KIR3DL3: variants seen among roughly 807,000 people sequenced by gnomAD.
KIR3DL3 encodes killer cell immunoglobulin-like receptor 3DL3.
KIR3DL3 carries 27 observed loss-of-function variants against 34.9 expected under a neutral mutation model. That is an observed-to-expected ratio of 0.77 (90% confidence interval 0.57 to 1.07). The LOEUF is 1.07. Among genes scored for constraint, KIR3DL3 ranks in the 50% least tolerant of loss-of-function variants. The probability of loss-of-function intolerance (pLI) is 0.00; values close to 1 mark genes in which losing one functional copy is unlikely to be tolerated. For missense variants in KIR3DL3, 681 were observed against 528.5 expected, an observed-to-expected ratio of 1.29 and a Z score of -2.83; for synonymous variants, 217 against 200.2, an observed-to-expected ratio of 1.08 and a Z score of -0.71.
intron 5 of KIR3DL3, among the ~76,000 whole-genome samples, chr19:54,732,253 G>GTTTTTTTTTT (rs1376667820): frequency 1.2e-3 from 105 of 90,936 alleles, no homozygotes; most frequent in African/African-American, 3.8e-3. Context: ...TGTGTTTTTT[G>GTTTTTTTTTT]TTTTCTTTTT....
chr19:54,735,721 C>G, intron 6 of KIR3DL3, 99 bp from the exon 7 acceptor site: 3 of 1,391,900 alleles, frequency 2.2e-6, no homozygotes, highest in Non-Finnish European at 3.0e-6. Flanking sequence ...TGAGGGACCT[C>G]AGGCACCTAT....
At chr19:54,734,936 A>G (rs10412714) in intron 5 of KIR3DL3, among the ~76,000 whole-genome samples, 29,891 of 116,162 alleles carry the variant, frequency 0.26, 4,257 homozygotes, top group African/African-American at 0.35. Context: ...GTCTCCTTGG[A>G]ACAGCATTGA....
intron 4 of KIR3DL3, among the ~76,000 whole-genome samples, chr19:54,728,163 G>C (rs2068409608): frequency 6.6e-6 from 1 of 151,042 alleles, no homozygotes; most frequent in South Asian, 2.1e-4. Flanking sequence ...AGAAGACACA[G>C]AGAGACAGAC....
At chr19:54,734,381 C>A (rs1186464940) in intron 5 of KIR3DL3, among the ~76,000 whole-genome samples, 11 of 150,412 alleles carry the variant, frequency 7.3e-5, no homozygotes, top group African/African-American at 2.0e-4. Context: ...CAGCGAGTGA[C>A]AACAGAAACC....
chr19:54,729,325 A>C (rs896220634), intron 4 of KIR3DL3, among the ~76,000 whole-genome samples, 168 bp from the exon 5 acceptor site: 17 of 152,050 alleles, frequency 1.1e-4, no homozygotes, highest in Non-Finnish European at 1.6e-4. Flanking sequence ...CTAGAGAGAC[A>C]GAGAAGGTGG....
chr19:54,729,696 C>G lies in KIR3DL3; in HGVS notation c.859C>G (p.His287Asp), dbSNP rs1600192519. The change falls in exon 5 of 8, where the codon CAC becomes GAC. Residue 287 changes from histidine (H) to aspartate (D), a missense_variant. Coordinates refer to ENST00000291860, the MANE Select transcript of KIR3DL3 (RefSeq NM_153443.5). ...QANFPLGPVTHGGNYRCFGSF... is the reference protein window; with the variant it reads ...QANFPLGPVTDGGNYRCFGSF... ...CAACTTCCCTCTGGGCCCTGTGACC[C>G]ACGGAGGGAACTACAGATGCTTCGG... 6.3e-7 allele frequency: 1 copy of G among 1,598,676 alleles called. No individual in the cohort carries two copies. The highest frequency in any genetic ancestry group is 2.3e-5 in the East Asian group (1 of 44,202).
chr19:54,728,042 T>C (rs1292383862), intron 4 of KIR3DL3, 132 bp downstream of exon 4: 1 of 897,460 alleles, frequency 1.1e-6, no homozygotes, highest in African/African-American at 1.7e-5. Context: ...TGGTGAGGTC[T>C]GTACCAACAA....
chr19:54,732,214 C>T (rs1791173217), intron 5 of KIR3DL3, among the ~76,000 whole-genome samples: 1 of 151,434 alleles, frequency 6.6e-6, no homozygotes, highest in South Asian at 2.1e-4. Flanking sequence ...AGCATCTGTG[C>T]ACCAAATCTG....
Position 54,736,563 on chromosome 19 carries a change from T to C in KIR3DL3, c.*467T>C, listed in dbSNP as rs2069666479. 1 of 166,084 alleles carries C rather than the reference T, an allele frequency of 6.0e-6. No individual in the cohort carries two copies. Among genetic ancestry groups the C allele is most frequent in the South Asian group, 1.8e-4 (1 of 5,476 alleles). The allele number at this position is 166,084 out of a possible 1,614,324, so 10.3% of individuals were successfully genotyped here. On this transcript the variant is annotated 3_prime_UTR_variant, in exon 8 of 8. Transcript: ENST00000291860. Reference sequence around the variant, plus strand: ...GTATCTTTCAGCCTTCTGTCAGCAGTAAAACTTATAAATTTTTTTTATAAT... The same window carrying C: ...GTATCTTTCAGCCTTCTGTCAGCAGCAAAACTTATAAATTTTTTTTATAAT...
chr19:54,734,599 G>T (rs200991257), intron 5 of KIR3DL3, among the ~76,000 whole-genome samples: 4,856 of 121,610 alleles, frequency 0.04, no homozygotes, highest in South Asian at 0.091. Context: ...GTTCTGGGAT[G>T]TTCCTCCTGA....
At chr19:54,732,789 T>C (rs1250747041) in intron 5 of KIR3DL3, among the ~76,000 whole-genome samples, 1 of 152,100 alleles carries the variant, frequency 6.6e-6, no homozygotes, top group East Asian at 1.9e-4. Flanking sequence ...ATGGGGAGAA[T>C]GACAAGACAA....
chr19:54,735,352 A>T lies in KIR3DL3; in HGVS notation c.1049A>T (p.Lys350Ile). Residue 350 changes from lysine (K) to isoleucine (I), a missense_variant, in exon 6 of 8, where the codon AAA becomes ATA. Lys to Ile is a moderately radical substitution (Grantham distance 102). Coordinates refer to ENST00000291860, the MANE Select transcript of KIR3DL3 (RefSeq NM_153443.5). ...CTCCTTCATCGCTGGTGTGCCAACAAAAAGAGTAAGTCTCACGAAGCAGAA... is the reference window on the plus strand; with the variant it reads ...CTCCTTCATCGCTGGTGTGCCAACATAAAGAGTAAGTCTCACGAAGCAGAA... ...FFLLHRWCAN[K>I]KNAVVMDQEP... 7.3e-7 allele frequency: 1 copy of T among 1,368,184 alleles called. No individual in the cohort carries two copies. Among genetic ancestry groups the T allele is most frequent in the Non-Finnish European group, 1.0e-6 (1 of 960,520 alleles). 84.8% of individuals were successfully genotyped at this position (1,368,184 alleles called of 1,614,324 possible). A position where few individuals can be genotyped will look rare whatever the true frequency, so the allele number is the denominator to read the frequency against.
chr19:54,725,433 G>T, intron 2 of KIR3DL3, 151 bp downstream of exon 2: 1 of 697,730 alleles, frequency 1.4e-6, no homozygotes, highest in Non-Finnish European at 2.3e-6. Flanking sequence ...GGAAGCCAGG[G>T]GAAGCTTCGC....
rs1221709786 is a variant in KIR3DL3, at chr19:54,729,572, C to T, written c.735C>T (p.Ser245=). The T allele has an allele frequency of 3.7e-6, 6 of 1,607,220 alleles. No individual in the cohort carries two copies. In the African/African-American group the frequency reaches 6.8e-5, roughly 18 times the overall value. ...GAGAGAATGTGACCTTGTCCTGCAG[C>T]TCCCGGAGCTTGTTTGACATTTACC... The part of the protein sequence containing the change: ...QAGENVTLSC[S]SRSLFDIYHL... The change falls in exon 5 of 8, where the codon AGC becomes AGT. Residue 245 remains serine, a synonymous_variant. Coordinates refer to ENST00000291860, the MANE Select transcript of KIR3DL3 (RefSeq NM_153443.5).
In KIR3DL3 at chr19:54,735,342, T is replaced by C. The variant is rs2069386799; in HGVS notation, c.1039T>C (p.Cys347Arg). The change falls in exon 6 of 8, where the codon TGT (cysteine) becomes CGT (arginine). Residue 347 changes from cysteine to arginine, a missense_variant. Coordinates refer to ENST00000291860, the MANE Select transcript of KIR3DL3 (RefSeq NM_153443.5). ...ILLFFLLHRW[C>R]ANKKNAVVMD... ...CCTCTTCTTTCTCCTTCATCGCTGG[T>C]GTGCCAACAAAAAGAGTAAGTCTCA... 4.9e-6 allele frequency: 7 copies of C among 1,416,508 alleles called. No homozygotes were observed. The South Asian group carries it at 8.1e-5, about 16-fold the overall frequency. The allele number at this position is 1,416,508 out of a possible 1,614,324, so 87.7% of individuals were successfully genotyped here. A position where few individuals can be genotyped will look rare whatever the true frequency, so the allele number is the denominator to read the frequency against.
At chr19:54,730,841 A>C (rs601298) in intron 5 of KIR3DL3, among the ~76,000 whole-genome samples, 3 of 151,994 alleles carry the variant, frequency 2.0e-5, no homozygotes, top group Non-Finnish European at 2.9e-5. Flanking sequence ...ACTGATGGGC[A>C]GGTAGGTTGA....
At position 54,729,606 on chromosome 19, in the gene KIR3DL3, A is replaced by C; in HGVS notation, c.769A>C (p.Arg257=). ...RSLFDIYHLS[R]EAEAGELRLT... ...CTTGTTTGACATTTACCATCTATCC[A>C]GGGAGGCGGAGGCCGGTGAACTTAG... is the stretch of plus-strand genomic sequence containing the variant. Residue 257 remains arginine (R), a synonymous_variant, in exon 5 of 8, where the codon AGG becomes CGG. Transcript: ENST00000291860. 6.2e-7 allele frequency: 1 copy of C among 1,604,620 alleles called. No individual in the cohort carries two copies. The highest frequency in any genetic ancestry group is 2.3e-5 in the East Asian group (1 of 44,346).
intron 2 of KIR3DL3, 63 bp from the exon 3 acceptor site, chr19:54,725,990 G>A (rs1482347979): frequency 1.8e-5 from 21 of 1,182,438 alleles, no homozygotes; most frequent in Non-Finnish European, 2.5e-5. Flanking sequence ...AATCTTCTGA[G>A]CACAGGGAGG....
rs1252141826 is a variant in KIR3DL3 at position 54,726,294 on chromosome 19, T to C, written c.312T>C (p.Thr104=). ...GCAGTTCACACCCACACTCCCCCAC[T>C]GGGTGGTCGGCACCCAGCAACCCTG... ...RCCSSHPHSP[T]GWSAPSNPVV... The change falls in exon 3 of 8, where the codon ACT becomes ACC. Residue 104 remains threonine, a synonymous_variant. Coordinates refer to ENST00000291860, the MANE Select transcript of KIR3DL3 (RefSeq NM_153443.5). 29 of 1,613,728 alleles carry C rather than the reference T, an allele frequency of 1.8e-5. No homozygotes were observed. Among genetic ancestry groups the C allele is most frequent in the Middle Eastern group, 1.6e-4 (1 of 6,084 alleles).
Sources: gnomAD v4.1 joint callset for allele counts (sites outside exome capture counted in the v4.1 genomes callset) on GRCh38, gnomAD v4.1.1 for gene constraint, MANE v1.5 for transcripts, NCBI Gene and HGNC (gene_info 2026-07-23, HGNC 2026-07-21) for gene names.